The following SNPH variants were observed in gnomAD, a reference collection of about 807,000 sequenced individuals.
SNPH encodes the protein syntaphilin.
In SNPH, 10 loss-of-function variants were observed where a neutral mutation model predicts 36.8. The observed-to-expected ratio is 0.27, with a 90% CI of 0.17 to 0.46. The LOEUF (loss-of-function observed/expected upper bound fraction) is 0.46, where lower values mean the gene tolerates loss of function less well. Ranked by LOEUF, SNPH falls within the 20% of genes least tolerant of loss-of-function variation. SNPH has a pLI of 1.00. For missense variants in SNPH, 622 were observed against 744.0 expected (o/e 0.84, Z 1.91); for synonymous variants, 281 against 312.2 (o/e 0.90, Z 1.05).
chr20:1,279,637 T>TTTTTTTTTG (rs2088192785), intron 2 of SNPH, among the ~76,000 whole-genome samples: 1 of 150,332 alleles, frequency 6.7e-6, no homozygotes. Flanking sequence ...TTTTTTTTTT[T>TTTTTTTTTG]GAGACAGGGT....
intron 2 of SNPH, among the ~76,000 whole-genome samples, chr20:1,272,808 T>G (rs1013992897): frequency 4.6e-5 from 7 of 152,220 alleles, no homozygotes; most frequent in Admixed American, 3.3e-4. Flanking sequence ...TGCTTCTGGC[T>G]CCCCCAGCTT....
At position 1,305,361 on chromosome 20, in the gene SNPH, G is replaced by A. The variant is rs200706722; in HGVS notation, c.924G>A (p.Leu308=). 7.9e-5 allele frequency: 128 copies of A among 1,612,356 alleles called. No homozygotes were observed. The East Asian group carries it at 2.8e-3, about 35-fold the overall frequency. ...ACGCGCTGGAAGCCAGCAGCCTGCT[G>A]TCGTCGGGGGTGGACTGTGGCACCG... ...RTDALEASSL[L]SSGVDCGTEE... The change falls in exon 7 of 7, where the codon CTG becomes CTA. Residue 308 remains leucine, a synonymous_variant. Transcript: ENST00000381867.
Position 1,278,056 on chromosome 20 carries a change from G to GTC in SNPH, c.-493+11297_-493+11298insCT, listed in dbSNP as rs1465224754. ...TCTGTGTATGTGTGCCTGTGTGTGTGTGTCTGTGTGTGTATCTGTGTGTGT... is the reference window on the plus strand; with the variant it reads ...TCTGTGTATGTGTGCCTGTGTGTGTGTCTGTCTGTGTGTGTATCTGTGTGTGT... On this transcript the variant is annotated intron_variant, in intron 2 of 6. Coordinates refer to ENST00000381867, the MANE Select transcript of SNPH (RefSeq NM_001318234.2). 7.6e-3 allele frequency among the ~76,000 whole-genome samples: 307 copies of GTC among 40,186 alleles called. 3 individuals carry two copies. Among genetic ancestry groups the GTC allele is most frequent in the Non-Finnish European group, 6.1e-3 (122 of 20,094 alleles). The allele number at this position is 40,186 out of a possible 152,430, so 26.4% of individuals were successfully genotyped here.
At chr20:1,272,681 C>T (rs531113042) in intron 2 of SNPH, among the ~76,000 whole-genome samples, 9 of 152,378 alleles carry the variant, frequency 5.9e-5, no homozygotes, top group African/African-American at 2.2e-4. Flanking sequence ...TCATTATTGG[C>T]TGGCCCACAG....
intron 2 of SNPH, among the ~76,000 whole-genome samples, chr20:1,277,975 C>T (rs934290411): frequency 7.4e-6 from 1 of 134,464 alleles, no homozygotes; most frequent in Non-Finnish European, 1.6e-5. Context: ...CTGTGTGTAT[C>T]TGTGTGTGTG....
chr20:1,280,775 C>T (rs1049078481), intron 2 of SNPH, among the ~76,000 whole-genome samples: 15 of 152,176 alleles, frequency 9.9e-5, no homozygotes, highest in African/African-American at 3.4e-4. Flanking sequence ...TCAGAACTGT[C>T]AGGTCATCTG....
intron 2 of SNPH, among the ~76,000 whole-genome samples, chr20:1,270,801 C>CACCT (rs1464574886): frequency 1.3e-5 from 2 of 152,228 alleles, no homozygotes; most frequent in African/African-American, 4.8e-5. Context: ...GAACGCCTAA[C>CACCT]ACCTGAGAGG....
rs2088014150 is a variant in SNPH, at chr20:1,266,977, T to C, written c.-493+217T>C. Among the ~76,000 whole-genome samples the C allele has an allele frequency of 6.6e-6, 1 of 152,152 alleles. No homozygotes were observed. The highest frequency in any genetic ancestry group is 1.5e-5 in the Non-Finnish European group (1 of 68,008). On this transcript the variant is annotated intron_variant, in intron 2 of 6. Transcript: ENST00000381867. The surrounding 1 kb of genome is among the most constrained non-coding windows in gnomAD (Gnocchi z 6.0). ...AAATGTAAGAATTAGAGGGTGCTGA[T>C]TGCAGCAGAGAAGATGCCCAAAGTG...
In SNPH at chr20:1,294,473, C is replaced by G. The variant is rs1427879334; in HGVS notation, c.-492-478C>G. 6.6e-6 allele frequency among the ~76,000 whole-genome samples: 1 copy of G among 152,200 alleles called. No homozygotes were observed. Among genetic ancestry groups the G allele is most frequent in the South Asian group, 2.1e-4 (1 of 4,830 alleles). On this transcript the variant is annotated intron_variant, in intron 2 of 6. Coordinates refer to ENST00000381867, the MANE Select transcript of SNPH (RefSeq NM_001318234.2). The surrounding 1 kb of genome is among the most constrained non-coding windows in gnomAD (Gnocchi z 4.4). ...CCTCCATGGTTCCTGCTCTAGGGGC[C>G]AGCCCTACAGTTCCAGGAGGCCCTG...
At chr20:1,299,171 C>T (rs1331648803) in intron 5 of SNPH, among the ~76,000 whole-genome samples, 6 of 152,250 alleles carry the variant, frequency 3.9e-5, no homozygotes, top group South Asian at 4.1e-4. Context: ...TGACAGTTTA[C>T]GACTTACAAG....
At chr20:1,268,641 C>G (rs2088037202) in intron 2 of SNPH, among the ~76,000 whole-genome samples, 1 of 136,330 alleles carries the variant, frequency 7.3e-6, no homozygotes. Context: ...TCCTATTTGG[C>G]AGAGGCCCTA....
At chr20:1,287,755 A>G (rs1194289650) in intron 2 of SNPH, among the ~76,000 whole-genome samples, 1 of 152,094 alleles carries the variant, frequency 6.6e-6, no homozygotes, top group African/African-American at 2.4e-5. Context: ...AAGTCTCACC[A>G]TTTTCCTCAT....
rs1466615287 is a variant in SNPH, at chr20:1,306,933, TC to T, written c.*881del. 3 of 152,278 alleles carry T rather than the reference TC, an allele frequency of 2.0e-5. No individual in the cohort carries two copies. The highest frequency in any genetic ancestry group is 2.0e-4 in the Admixed American group (3 of 15,276). 9.4% of individuals were successfully genotyped at this position (152,278 alleles called of 1,614,324 possible). On this transcript the variant is annotated 3_prime_UTR_variant, in exon 7 of 7. Transcript: ENST00000381867. ...AAACCCAAGGGGGCTCCCCCAGCCT[TC>T]CAAGGTGAGGCCATCTCATCTGCAG...
intron 2 of SNPH, among the ~76,000 whole-genome samples, chr20:1,288,342 G>A (rs1407674357): frequency 2.6e-5 from 4 of 152,146 alleles, no homozygotes; most frequent in Non-Finnish European, 5.9e-5. Flanking sequence ...GGAAGGTGGC[G>A]CCTTCCTGAG....
intron 2 of SNPH, among the ~76,000 whole-genome samples, chr20:1,269,957 T>C (rs369696463): frequency 2.6e-5 from 4 of 152,336 alleles, no homozygotes; most frequent in South Asian, 4.1e-4. Flanking sequence ...CAGTGTATCA[T>C]AGAACCTAGA....
At chr20:1,302,632 G>GTTTCTAATTTCATCAATA (rs2088516985) in intron 6 of SNPH, among the ~76,000 whole-genome samples, 1 of 151,920 alleles carries the variant, frequency 6.6e-6, no homozygotes, top group Admixed American at 6.6e-5. Context: ...ATCACCGCCA[G>GTTTCTAATTTCATCAATA]TTTCTCTCCA....
intron 2 of SNPH, among the ~76,000 whole-genome samples, chr20:1,286,456 A>G (rs1435785419): frequency 6.6e-6 from 1 of 152,164 alleles, no homozygotes; most frequent in East Asian, 1.9e-4. Context: ...AGCTGCTGTG[A>G]GATAGGCTCC....
At chr20:1,277,469 G>A (rs979077564) in intron 2 of SNPH, among the ~76,000 whole-genome samples, 13 of 150,914 alleles carry the variant, frequency 8.6e-5, no homozygotes, top group African/African-American at 2.7e-4. Context: ...ATGCCTGTGT[G>A]TGTGTCTGTC....
chr20:1,272,452 C>A lies in SNPH; in HGVS notation c.-493+5692C>A, dbSNP rs780663850. Among the ~76,000 whole-genome samples the A allele has an allele frequency of 4.6e-5, 7 of 152,242 alleles. No homozygotes were observed. The South Asian group carries it at 1.2e-3, about 27-fold the overall frequency. ...CTTGAAAGAGGCAGCTGCTATCCTG[C>A]TCTCACCATTCTTGCCTACAAGAAC... On this transcript the variant is annotated intron_variant, in intron 2 of 6. Coordinates refer to ENST00000381867, the MANE Select transcript of SNPH (RefSeq NM_001318234.2).
Sources: allele counts gnomAD v4.1 joint callset (sites outside exome capture counted in the v4.1 genomes callset), GRCh38; gene constraint gnomAD v4.1.1; non-coding constraint Gnocchi (gnomAD v3.1); transcripts MANE v1.5; gene names NCBI Gene and HGNC (gene_info 2026-07-23, HGNC 2026-07-21).